RHPN2: variants seen among roughly 807,000 people sequenced by gnomAD.
RHPN2 encodes the protein rhophilin Rho GTPase binding protein 2.
A neutral mutation model predicts 79.0 loss-of-function variants in RHPN2; 40 were observed. The observed-to-expected ratio is 0.51, with a 90% CI of 0.39 to 0.66. RHPN2 has a LOEUF of 0.66. Ranked by LOEUF, RHPN2 falls within the 30% of genes least tolerant of loss-of-function variation. The pLI is 0.00. For missense variants in RHPN2, 686 were observed against 883.5 expected, an observed-to-expected ratio of 0.78 and a Z score of 2.83; for synonymous variants, 285 against 363.5, an observed-to-expected ratio of 0.78 and a Z score of 2.46.
chr19:32,989,282 A>G (rs986137506), intron 14 of RHPN2, among the ~76,000 whole-genome samples: 6 of 152,034 alleles, frequency 3.9e-5, no homozygotes, highest in African/African-American at 1.4e-4. Flanking sequence ...GCTAATTTTT[A>G]TATTTTCAGT....
intron 1 of RHPN2, among the ~76,000 whole-genome samples, chr19:33,056,848 G>A (rs535782395): frequency 9.9e-5 from 15 of 151,562 alleles, no homozygotes; most frequent in Admixed American, 2.0e-4. Context: ...AGTGGCTCAC[G>A]CCTGTAATCC....
intron 1 of RHPN2, among the ~76,000 whole-genome samples, chr19:33,046,355 T>C (rs1972142754): frequency 6.6e-6 from 1 of 152,126 alleles, no homozygotes; most frequent in Non-Finnish European, 1.5e-5. Context: ...AACCTCTGTC[T>C]CCCAGGTTCG....
chr19:33,026,890 A>G, intron 2 of RHPN2: 1 of 415,546 alleles, frequency 2.4e-6, no homozygotes, highest in Non-Finnish European at 4.6e-6. Context: ...GCAAACACTC[A>G]GTCTTGAGAA....
At chr19:33,012,038 CTTTT>C (rs34140133) in intron 5 of RHPN2, among the ~76,000 whole-genome samples, 4 of 126,406 alleles carry the variant, frequency 3.2e-5, no homozygotes, top group Non-Finnish European at 3.3e-5. Flanking sequence ...GGTTTTCCTT[CTTTT>C]TTTTTTTTTT....
chr19:33,004,531 T>G (rs1971775441), intron 7 of RHPN2, among the ~76,000 whole-genome samples: 1 of 152,158 alleles, frequency 6.6e-6, no homozygotes, highest in South Asian at 2.1e-4. Context: ...ATGTTCTGTG[T>G]TATTTTACTA....
At chr19:33,025,498 A>G (rs919309246) in intron 3 of RHPN2, among the ~76,000 whole-genome samples, 8 of 151,942 alleles carry the variant, frequency 5.3e-5, no homozygotes, top group African/African-American at 1.9e-4. Flanking sequence ...AAAAAAGGAA[A>G]TACAACCTTA....
chr19:32,989,346 C>T (rs1339939227), intron 14 of RHPN2, among the ~76,000 whole-genome samples: 1 of 152,102 alleles, frequency 6.6e-6, no homozygotes. Flanking sequence ...TGACTTCAAG[C>T]AATCTGCCCA....
intron 2 of RHPN2, among the ~76,000 whole-genome samples, chr19:33,030,547 C>T (rs918495874): frequency 2.2e-4 from 33 of 151,912 alleles, no homozygotes; most frequent in African/African-American, 7.3e-4. Flanking sequence ...GAGCTGAGAG[C>T]GCACCACTGC....
chr19:33,000,016 GCAC>G (rs1333479927), intron 9 of RHPN2, among the ~76,000 whole-genome samples: 1 of 152,076 alleles, frequency 6.6e-6, no homozygotes, highest in Non-Finnish European at 1.5e-5. Flanking sequence ...CTACAGACAT[GCAC>G]CACCACATGC....
chr19:33,009,768 ATTTTTATTTTTTTTAT>A (rs1021518262), intron 6 of RHPN2, among the ~76,000 whole-genome samples: 35 of 150,544 alleles, frequency 2.3e-4, no homozygotes, highest in Admixed American at 2.1e-3. Flanking sequence ...GACTTGTTTT[ATTTTTATTTTTTTTAT>A]TTTTTATTTT....
chr19:33,006,797 C>T (rs1332842071), intron 7 of RHPN2, among the ~76,000 whole-genome samples: 3 of 152,196 alleles, frequency 2.0e-5, no homozygotes, highest in Admixed American at 6.5e-5. Flanking sequence ...TCCTCAACAC[C>T]GCACCTCATT....
intron 1 of RHPN2, among the ~76,000 whole-genome samples, chr19:33,052,776 G>T (rs1972199484): frequency 6.6e-6 from 1 of 152,078 alleles, no homozygotes. Flanking sequence ...CAGGATCTCT[G>T]CCAGGTGTCA....
intron 12 of RHPN2, 170 bp from the exon 13 acceptor site, chr19:32,992,139 C>G: frequency 1.5e-6 from 1 of 674,920 alleles, no homozygotes; most frequent in Non-Finnish European, 2.7e-6. Context: ...ACCTGGAAAG[C>G]CATCTTCTCA....
chr19:33,026,406 C>T, intron 3 of RHPN2, 98 bp downstream of exon 3: 1 of 1,506,332 alleles, frequency 6.6e-7, no homozygotes, highest in Non-Finnish European at 9.1e-7. Flanking sequence ...CTGCCACACC[C>T]CAGTCTAGAA....
chr19:33,016,064 A>C (rs898762594), intron 4 of RHPN2, among the ~76,000 whole-genome samples: 3 of 151,848 alleles, frequency 2.0e-5, no homozygotes, highest in African/African-American at 7.3e-5. Context: ...ACAAACAAAC[A>C]AACAAACAAA....
chr19:32,999,812 AGGCATTTG>A, intron 9 of RHPN2, 107 bp from the exon 10 acceptor site: 1 of 1,457,382 alleles, frequency 6.9e-7, no homozygotes, highest in Non-Finnish European at 9.4e-7. Context: ...CAGTTTCACA[AGGCATTTG>A]GGATCATGGG....
intron 1 of RHPN2, among the ~76,000 whole-genome samples, chr19:33,062,047 A>G (rs1972284526): frequency 6.6e-6 from 1 of 152,164 alleles, no homozygotes; most frequent in Admixed American, 6.6e-5. Flanking sequence ...TTCCTAGGAT[A>G]AATAGACTCT....
chr19:32,979,369 G>A lies in RHPN2; in HGVS notation c.*627C>T, dbSNP rs2145995186. On this transcript the variant is annotated 3_prime_UTR_variant, in exon 15 of 15. Coordinates refer to ENST00000254260, the MANE Select transcript of RHPN2 (RefSeq NM_033103.5). ...GCCACTGTGTTAGTAATTCTTAAATGACATCAAACTAGAAGAAAAGCTGCT... is the reference window on the plus strand; with the variant it reads ...GCCACTGTGTTAGTAATTCTTAAATAACATCAAACTAGAAGAAAAGCTGCT... The A allele has an allele frequency of 6.5e-6, 1 of 153,022 alleles. No homozygotes were observed. The highest frequency in any genetic ancestry group is 3.4e-3 in the Middle Eastern group (1 of 294). 9.5% of individuals were successfully genotyped at this position (153,022 alleles called of 1,614,324 possible).
At chr19:32,986,812 T>A (rs112174989) in intron 14 of RHPN2, among the ~76,000 whole-genome samples, 193 of 101,314 alleles carry the variant, frequency 1.9e-3, no homozygotes, top group South Asian at 0.01. Context: ...AAAAAAAAAA[T>A]TTTGAGATAT....
Sources: gnomAD v4.1 joint callset for allele counts (sites outside exome capture counted in the v4.1 genomes callset) on GRCh38, gnomAD v4.1.1 for gene constraint, MANE v1.5 for transcripts, NCBI Gene and HGNC (gene_info 2026-07-23, HGNC 2026-07-21) for gene names.